Variants in ABR observed in about 807,000 individuals in gnomAD.
The protein encoded by ABR is active breakpoint cluster region-related protein.
In ABR, 35 loss-of-function variants were observed where a neutral mutation model predicts 107.2. The observed-to-expected ratio is 0.33, with a 90% CI of 0.25 to 0.43. ABR has a LOEUF of 0.43. Ranked by LOEUF, ABR falls within the 20% of genes least tolerant of loss-of-function variation. ABR has a pLI of 1.00. For synonymous variants in ABR, 498 were observed against 462.0 expected, an observed-to-expected ratio of 1.08 and a Z score of -1.00; for missense variants, 815 against 1,115.2, an observed-to-expected ratio of 0.73 and a Z score of 3.83.
intron 1 of ABR, among the ~76,000 whole-genome samples, chr17:1,199,706 G>A (rs1488427964): frequency 6.6e-6 from 1 of 152,112 alleles, no homozygotes; most frequent in African/African-American, 2.4e-5. Flanking sequence ...ACCCACCTCA[G>A]CTGCCCAAAG....
chr17:1,134,443 TTAAA>T (rs2039973901), intron 1 of ABR, among the ~76,000 whole-genome samples: 2 of 151,890 alleles, frequency 1.3e-5, no homozygotes, highest in Non-Finnish European at 2.9e-5. Context: ...TTAAATTAAA[TTAAA>T]TAAATAAAAG....
Position 1,109,806 on chromosome 17 carries a change from A to G in ABR, c.247-9071T>C, listed in dbSNP as rs967640651. On this transcript the variant is annotated intron_variant, in intron 2 of 22. Coordinates refer to ENST00000302538, the MANE Select transcript of ABR (RefSeq NM_021962.5). Reference sequence around the variant, plus strand: ...GCGCGGCGCCACCACTGTCCTGCACAGGAGCGGTGGGCGTCCCACTCACAG... The same window carrying G: ...GCGCGGCGCCACCACTGTCCTGCACGGGAGCGGTGGGCGTCCCACTCACAG... Among the ~76,000 whole-genome samples the G allele has an allele frequency of 2.8e-4, 42 of 152,086 alleles. No individual in the cohort carries two copies. The East Asian group carries it at 7.2e-3, about 26-fold the overall frequency.
intron 14 of ABR, among the ~76,000 whole-genome samples, chr17:1,055,045 C>T (rs981506109): frequency 6.6e-6 from 1 of 152,102 alleles, no homozygotes; most frequent in African/African-American, 2.4e-5. Flanking sequence ...CTAACTGACT[C>T]ACAGATTCCC....
chr17:1,205,410 C>A (rs1016875440), intron 1 of ABR, among the ~76,000 whole-genome samples: 2 of 152,158 alleles, frequency 1.3e-5, no homozygotes, highest in Non-Finnish European at 2.9e-5. Flanking sequence ...CTGTAACAGC[C>A]TGTTCTGTAG....
chr17:1,048,004 G>A (rs995964531), intron 16 of ABR, among the ~76,000 whole-genome samples: 1 of 152,182 alleles, frequency 6.6e-6, no homozygotes, highest in Non-Finnish European at 1.5e-5. Flanking sequence ...AGTGTGGCGT[G>A]GCGACCACTC....
intron 4 of ABR, among the ~76,000 whole-genome samples, chr17:1,087,606 G>A (rs1256577319): frequency 6.6e-6 from 1 of 152,136 alleles, no homozygotes; most frequent in African/African-American, 2.4e-5. Context: ...GGCCGGACGG[G>A]AGGGAGTTTA....
upstream of ABR, among the ~76,000 whole-genome samples, chr17:1,188,279 A>G (rs897878843): frequency 1.3e-5 from 2 of 152,048 alleles, no homozygotes; most frequent in African/African-American, 4.8e-5. Flanking sequence ...GGCCAGCTGC[A>G]GTGGCTTATG....
At chr17:1,133,446 CTGGT>C (rs1389677884) in intron 1 of ABR, among the ~76,000 whole-genome samples, 1 of 152,042 alleles carries the variant, frequency 6.6e-6, no homozygotes, top group Non-Finnish European at 1.5e-5. Context: ...AATTATGAGA[CTGGT>C]TGAGTCAATT....
rs982839464 is a variant in ABR, at chr17:1,077,707, C to T, written c.700+1623G>A. Among the ~76,000 whole-genome samples the T allele has an allele frequency of 3.9e-5, 6 of 152,262 alleles. No homozygotes were observed. In the South Asian group the frequency reaches 1.2e-3, roughly 32 times the overall value. On this transcript the variant is annotated intron_variant, in intron 6 of 22. Transcript: ENST00000302538. ...CCACCATCCCCCTCAAGTCAGCCTTCGACAAGGAGCTCCAAGGAGCTCCAG... is the reference window on the plus strand; with the variant it reads ...CCACCATCCCCCTCAAGTCAGCCTTTGACAAGGAGCTCCAAGGAGCTCCAG...
chr17:1,010,086 C>A lies in ABR; in HGVS notation c.2237-302G>T, dbSNP rs568021496. On this transcript the variant is annotated intron_variant, in intron 20 of 22. Transcript: ENST00000302538. This position sits in a 1 kb window ranked among gnomAD's most constrained non-coding sequence, Gnocchi z 4.1. Reference sequence around the variant, plus strand: ...CCCCTGTCTCGTAACAGGACACCCCCTGGTCTGTGTGGCTAAGGTTAAGCC... The same window carrying A: ...CCCCTGTCTCGTAACAGGACACCCCATGGTCTGTGTGGCTAAGGTTAAGCC... 3.3e-4 allele frequency: 167 copies of A among 502,524 alleles called. 1 individual carries two copies. In the South Asian group the frequency reaches 4.0e-3, roughly 12 times the overall value. 31.1% of individuals were successfully genotyped at this position (502,524 alleles called of 1,614,324 possible).
intron 16 of ABR, among the ~76,000 whole-genome samples, chr17:1,044,986 A>G (rs1375119361): frequency 6.6e-6 from 1 of 152,256 alleles, no homozygotes; most frequent in Non-Finnish European, 1.5e-5. Context: ...AGAAGACTCC[A>G]TACAGCTCTA....
At chr17:1,111,397 C>T (rs2038668123) in intron 2 of ABR, among the ~76,000 whole-genome samples, 1 of 152,184 alleles carries the variant, frequency 6.6e-6, no homozygotes, top group Non-Finnish European at 1.5e-5. Flanking sequence ...CTCACAGGCC[C>T]TCGGTGCCCC....
At chr17:1,022,120 A>AAAAACAAAAAAAC (rs1555534388) in intron 16 of ABR, among the ~76,000 whole-genome samples, 1 of 118,388 alleles carries the variant, frequency 8.4e-6, no homozygotes, top group Non-Finnish European at 1.6e-5. Flanking sequence ...AAAAAAAAAA[A>AAAAACAAAAAAAC]AAAAACAGAA....
intron 10 of ABR, among the ~76,000 whole-genome samples, 176 bp from the exon 11 acceptor site, chr17:1,059,043 C>T (rs2033649929): frequency 6.6e-6 from 1 of 152,158 alleles, no homozygotes; most frequent in Non-Finnish European, 1.5e-5. Context: ...TGCTCCCCCA[C>T]AGGGCTCACT....
intron 5 of ABR, among the ~76,000 whole-genome samples, chr17:1,082,728 T>C (rs1030489246): frequency 2.6e-5 from 4 of 152,180 alleles, no homozygotes; most frequent in African/African-American, 9.7e-5. Context: ...TGTTCAAATA[T>C]AGAATCTTGG....
intron 16 of ABR, among the ~76,000 whole-genome samples, chr17:1,016,860 C>T (rs775112687): frequency 4.6e-5 from 7 of 152,214 alleles, no homozygotes; most frequent in Admixed American, 1.3e-4. Flanking sequence ...CTGAGGTGTG[C>T]GTGCCACGGT....
chr17:1,025,425 G>T (rs963870985), intron 16 of ABR, among the ~76,000 whole-genome samples: 5 of 152,226 alleles, frequency 3.3e-5, no homozygotes, highest in African/African-American at 1.2e-4. Flanking sequence ...TACAGTACGT[G>T]TTCAAAACAT....
At chr17:1,033,604 G>A (rs1277716267) in intron 16 of ABR, among the ~76,000 whole-genome samples, 3 of 152,200 alleles carry the variant, frequency 2.0e-5, no homozygotes, top group South Asian at 2.1e-4. Flanking sequence ...GGCTAGAACC[G>A]GGCCTCAGTC....
intron 3 of ABR, among the ~76,000 whole-genome samples, chr17:1,096,660 AG>A (rs2037447375): frequency 6.6e-6 from 1 of 151,766 alleles, no homozygotes; most frequent in Non-Finnish European, 1.5e-5. Context: ...GCAGGGGCCC[AG>A]GAGGAGAGAG....
Sources: allele counts gnomAD v4.1 joint callset (sites outside exome capture counted in the v4.1 genomes callset), GRCh38; gene constraint gnomAD v4.1.1; non-coding constraint Gnocchi (gnomAD v3.1); transcripts MANE v1.5; gene names NCBI Gene and HGNC (gene_info 2026-07-23, HGNC 2026-07-21).